Variants in USP34 observed in about 807,000 individuals in gnomAD.
USP34 encodes the protein ubiquitin specific peptidase 34.
In USP34, 70 loss-of-function variants were observed where a neutral mutation model predicts 460.3. The ratio of observed to expected loss-of-function variants is 0.15; its 90% CI spans 0.13 to 0.19. USP34 has a LOEUF of 0.19. Ranked by LOEUF, USP34 falls within the 10% of genes least tolerant of loss-of-function variation. USP34 has a pLI of 1.00. For missense variants in USP34, 3,985 were observed against 4,236.2 expected (o/e 0.94, Z 1.65); for synonymous variants, 1,647 against 1,405.3 (o/e 1.17, Z -3.85).
At chr2:61,295,954 A>G (rs1466346269) in intron 30 of USP34, among the ~76,000 whole-genome samples, 1 of 152,204 alleles carries the variant, frequency 6.6e-6, no homozygotes, top group Non-Finnish European at 1.5e-5. Context: ...TACTTATTAT[A>G]CAAATTTTAA....
rs545989536 is a variant in USP34 at position 61,281,142 on chromosome 2, G to A, written c.5099C>T (p.Ala1700Val). ...AGGAAGAAATTTCAATAATGTTGAG[G>A]CAGCCAATAGCAGAAAAGAACGATT... ...SINRSFLLLA[A>V]STLLKFLPDA... The change falls in exon 38 of 80, where the codon GCC (alanine) becomes GTC (valine). Residue 1700 changes from alanine (A) to valine (V), a missense_variant. Transcript: ENST00000398571. 5 of 1,613,536 alleles carry A rather than the reference G, an allele frequency of 3.1e-6. No individual in the cohort carries two copies. The highest frequency in any genetic ancestry group is 4.2e-6 in the Non-Finnish European group (5 of 1,179,792).
At chr2:61,400,139 G>A (rs1184776372) in intron 3 of USP34, among the ~76,000 whole-genome samples, 3 of 147,524 alleles carry the variant, frequency 2.0e-5, no homozygotes, top group East Asian at 2.0e-4. Flanking sequence ...AGATGGAGTC[G>A]CATTCTGTTG....
intron 34 of USP34, among the ~76,000 whole-genome samples, chr2:61,285,577 CGATTCATA>C (rs1183321581): frequency 6.6e-6 from 1 of 151,476 alleles, no homozygotes; most frequent in Non-Finnish European, 1.5e-5. Context: ...TCTTTACATT[CGATTCATA>C]GATTCTCTGC....
At chr2:61,231,950 A>G (rs1254895775) in intron 58 of USP34, among the ~76,000 whole-genome samples, 1 of 151,408 alleles carries the variant, frequency 6.6e-6, no homozygotes, top group African/African-American at 2.4e-5. Context: ...ACGTCAACTA[A>G]GTTTTTGATT....
intron 1 of USP34, among the ~76,000 whole-genome samples, chr2:61,444,659 A>G (rs1695057486): frequency 6.6e-6 from 1 of 152,156 alleles, no homozygotes; most frequent in African/African-American, 2.4e-5. Context: ...TGAGCAAATG[A>G]TGCACATTAA....
chr2:61,243,649 G>C (rs1204456835), intron 51 of USP34, among the ~76,000 whole-genome samples: 1 of 150,304 alleles, frequency 6.7e-6, no homozygotes, highest in South Asian at 2.1e-4. Context: ...CAAGGTGGGC[G>C]ATCACAAGGT....
chr2:61,379,502 C>G (rs1426795637), intron 7 of USP34, among the ~76,000 whole-genome samples: 3 of 152,064 alleles, frequency 2.0e-5, no homozygotes, highest in Non-Finnish European at 2.9e-5. Context: ...AATGGGACTC[C>G]ATCTCCAAGA....
chr2:61,313,092 C>G (rs1690644263), intron 25 of USP34, among the ~76,000 whole-genome samples: 1 of 152,026 alleles, frequency 6.6e-6, no homozygotes, highest in Admixed American at 6.6e-5. Context: ...TTTTAAACTA[C>G]TGCTTAGTTT....
At position 61,257,112 on chromosome 2, in the gene USP34, T is replaced by G. The variant is rs776654233; in HGVS notation, c.5992-4A>C. On this transcript the variant is annotated splice_polypyrimidine_tract_variant and splice_region_variant and intron_variant, in intron 45 of 79. Coordinates refer to ENST00000398571, the MANE Select transcript of USP34 (RefSeq NM_014709.4). The stretch of plus-strand genomic sequence containing the variant: ...ATAAACTTTTGACGGTATTTTTCTT[T>G]AATATAAAACAAACAAAAAATAAGA... 1.3e-6 allele frequency: 2 copies of G among 1,576,326 alleles called. No homozygotes were observed. The highest frequency in any genetic ancestry group is 2.4e-5 in the South Asian group (2 of 84,438).
At chr2:61,235,744 C>G (rs1688049015) in intron 57 of USP34, 101 bp downstream of exon 57, 9 of 1,196,916 alleles carry the variant, frequency 7.5e-6, no homozygotes, top group Non-Finnish European at 1.0e-5. Context: ...ATTTGGCTCC[C>G]TGTGACAGAT....
At chr2:61,226,488 T>C (rs938994722) in intron 62 of USP34, among the ~76,000 whole-genome samples, 4 of 152,176 alleles carry the variant, frequency 2.6e-5, no homozygotes, top group Admixed American at 6.5e-5. Context: ...CATCATAGCA[T>C]TCCCTTAAAA....
intron 10 of USP34, among the ~76,000 whole-genome samples, chr2:61,362,061 A>C (rs1470505641): frequency 1.4e-4 from 21 of 152,220 alleles, no homozygotes; most frequent in Admixed American, 1.4e-3. Context: ...CAATAGGTAT[A>C]AAAGCTGCTC....
chr2:61,383,310 A>T lies in USP34; in HGVS notation c.780T>A (p.Ala260=). ...TAAAAGGTATAATGTGCTGCATGAC[A>T]GCGGGAATATGTAGCCATATTCTAA... ...SNIRIWLHIP[A]VMQHIIPFRT... Residue 260 remains alanine (A), a synonymous_variant, in exon 6 of 80, where the codon GCT becomes GCA. Transcript: ENST00000398571. The T allele has an allele frequency of 1.9e-6, 3 of 1,605,506 alleles. No homozygotes were observed. Among genetic ancestry groups the T allele is most frequent in the Non-Finnish European group, 2.6e-6 (3 of 1,174,978 alleles).
At position 61,256,965 on chromosome 2, in the gene USP34, T is replaced by C. The variant is rs764170690; in HGVS notation, c.6049-15A>G. On this transcript the variant is annotated splice_polypyrimidine_tract_variant and intron_variant, in intron 46 of 79. Coordinates refer to ENST00000398571, the MANE Select transcript of USP34 (RefSeq NM_014709.4). The stretch of plus-strand genomic sequence containing the variant: ...TGTTCACAATCCTAATCAATACACA[T>C]AAAAAATTAATAAAAACTAGTAAAT... 2.7e-6 allele frequency: 4 copies of C among 1,468,842 alleles called. No homozygotes were observed. The highest frequency in any genetic ancestry group is 1.6e-5 in the South Asian group (1 of 61,330). The allele number at this position is 1,468,842 out of a possible 1,614,324, so 91.0% of individuals were successfully genotyped here. A position where few individuals can be genotyped will look rare whatever the true frequency, so the allele number is the denominator to read the frequency against.
intron 1 of USP34, among the ~76,000 whole-genome samples, chr2:61,440,720 G>C (rs975500472): frequency 1.3e-5 from 2 of 151,580 alleles, no homozygotes; most frequent in South Asian, 4.2e-4. Flanking sequence ...GTTTCGCCAT[G>C]TTGGCCAGGC....
At chr2:61,193,737 G>A (rs1558458701) in intron 75 of USP34, among the ~76,000 whole-genome samples, 1 of 152,158 alleles carries the variant, frequency 6.6e-6, no homozygotes, top group Non-Finnish European at 1.5e-5. Flanking sequence ...TATAATCATG[G>A]AGAAGAAGAA....
intron 27 of USP34, among the ~76,000 whole-genome samples, chr2:61,301,771 C>A (rs941083324): frequency 1.1e-4 from 17 of 152,168 alleles, no homozygotes; most frequent in African/African-American, 4.1e-4. Context: ...TCCAGGAATT[C>A]AAGATACTTA....
At chr2:61,364,310 G>C (rs1267184607) in intron 10 of USP34, among the ~76,000 whole-genome samples, 1 of 152,150 alleles carries the variant, frequency 6.6e-6, no homozygotes, top group Non-Finnish European at 1.5e-5. Flanking sequence ...CTGCAGCAGT[G>C]AGCTGTAATT....
intron 75 of USP34, among the ~76,000 whole-genome samples, chr2:61,199,775 C>G (rs985874184): frequency 6.6e-6 from 1 of 151,948 alleles, no homozygotes. Context: ...ATTTCTGAAC[C>G]TATACTACAT....
Sources: allele counts gnomAD v4.1 joint callset (sites outside exome capture counted in the v4.1 genomes callset), GRCh38; gene constraint gnomAD v4.1.1; transcripts MANE v1.5; gene names NCBI Gene and HGNC (gene_info 2026-07-23, HGNC 2026-07-21).